The following PLCE1 variants were observed in gnomAD, a reference collection of about 807,000 sequenced individuals.
The protein encoded by PLCE1 is phospholipase C epsilon 1.
PLCE1 carries 119 observed loss-of-function variants against 242.8 expected under a neutral mutation model. The ratio of observed to expected loss-of-function variants is 0.49; its 90% CI spans 0.42 to 0.57. PLCE1 has a LOEUF of 0.57. PLCE1 is among the 20% of genes least tolerant of loss of function. The pLI, the probability that PLCE1 is intolerant of heterozygous loss-of-function variation, is 0.00. For synonymous variants in PLCE1, 945 were observed against 1,017.4 expected, an observed-to-expected ratio of 0.93 and a Z score of 1.35; for missense variants, 2,441 against 2,788.8, an observed-to-expected ratio of 0.88 and a Z score of 2.81.
In PLCE1 at chr10:94,298,454, T is replaced by A; in HGVS notation, c.5243T>A (p.Ile1748Asn). 6.2e-7 allele frequency: 1 copy of A among 1,613,996 alleles called. No individual in the cohort carries two copies. Among genetic ancestry groups the A allele is most frequent in the Non-Finnish European group, 8.5e-7 (1 of 1,179,862 alleles). Residue 1748 changes from isoleucine to asparagine, a missense_variant, in exon 24 of 33, where the codon ATC becomes AAC. Ile to Asn is a moderately radical substitution (Grantham distance 149). Around this residue, in one of 5 missense-constraint regions of PLCE1, gnomAD observed 1,004 missense variants for 1,322.7 expected, o/e 0.76. Coordinates refer to ENST00000371380, the MANE Select transcript of PLCE1 (RefSeq NM_016341.4). This position sits in a 1 kb window ranked among gnomAD's most constrained non-coding sequence, Gnocchi z 5.2. ...PLNPTTSLSA[I>N]IRTPKCYHIS... ...AACCCAACCACGTCCCTCAGTGCTA[T>A]CATTAGAACTCCCAAATGTTATCAT...
chr10:94,265,017 G>A (rs1393159640), intron 14 of PLCE1, among the ~76,000 whole-genome samples: 1 of 152,162 alleles, frequency 6.6e-6, no homozygotes, highest in East Asian at 1.9e-4. Context: ...GTGGGTGAAG[G>A]AACAGATGCA....
chr10:94,209,043 T>C (rs1028132465), intron 4 of PLCE1, among the ~76,000 whole-genome samples: 1 of 152,254 alleles, frequency 6.6e-6, no homozygotes, highest in Admixed American at 6.5e-5. Flanking sequence ...GGATTGTTTG[T>C]ACAAACATCA....
At chr10:94,187,146 ATG>A (rs372501153) in intron 4 of PLCE1, among the ~76,000 whole-genome samples, 7,059 of 145,080 alleles carry the variant, frequency 0.049, 166 homozygotes, top group Middle Eastern at 0.17. Flanking sequence ...TGAAACATAT[ATG>A]TGTGTGTGTG....
At chr10:94,185,667 A>G (rs2048455695) in intron 4 of PLCE1, among the ~76,000 whole-genome samples, 1 of 152,242 alleles carries the variant, frequency 6.6e-6, no homozygotes, top group South Asian at 2.1e-4. Flanking sequence ...AAGATAACAT[A>G]TATAAAATCA....
chr10:94,224,037 A>T (rs1269691334), intron 4 of PLCE1, among the ~76,000 whole-genome samples: 1 of 152,172 alleles, frequency 6.6e-6, no homozygotes, highest in South Asian at 2.1e-4. Flanking sequence ...TTATAAAATT[A>T]TGAATACATC....
chr10:94,315,385 T>A (rs2053531240), intron 28 of PLCE1: 1 of 455,912 alleles, frequency 2.2e-6, no homozygotes, highest in South Asian at 1.5e-5. Flanking sequence ...ACCAAGCTAC[T>A]TCTCACGGGA....
chr10:93,998,867 G>T (rs2060879295), intron 1 of PLCE1, among the ~76,000 whole-genome samples: 2 of 152,176 alleles, frequency 1.3e-5, no homozygotes, highest in African/African-American at 4.8e-5. Flanking sequence ...GATGATCCTG[G>T]ATGATCTGGG....
chr10:94,148,295 GGGTTCATGTTTGGCA>G (rs544108531), intron 3 of PLCE1, among the ~76,000 whole-genome samples: 487 of 152,316 alleles, frequency 3.2e-3, no homozygotes, highest in Non-Finnish European at 5.0e-3. Context: ...GGGGGCTGGA[GGGTTCATGTTTGGCA>G]GGAGCAGGGA....
In PLCE1 at chr10:94,246,026, A is replaced by G; in HGVS notation, c.2501A>G (p.Asp834Gly). 6.2e-7 allele frequency: 1 copy of G among 1,613,948 alleles called. No homozygotes were observed. Among genetic ancestry groups the G allele is most frequent in the African/African-American group, 1.3e-5 (1 of 75,008 alleles). ...GAATACGACTCTCATGGTTCAGAGG[A>G]CTCACAGAAGGCCTTCGACCATGGG... ...SKEYDSHGSE[D>G]SQKAFDHGTE... Residue 834 changes from aspartate (D) to glycine (G), a missense_variant, in exon 8 of 33, where the codon GAC becomes GGC. By Grantham distance (94) the Asp-to-Gly change is moderately conservative. Coordinates refer to ENST00000371380, the MANE Select transcript of PLCE1 (RefSeq NM_016341.4).
intron 7 of PLCE1, among the ~76,000 whole-genome samples, chr10:94,240,204 C>T (rs1314010130): frequency 6.6e-6 from 1 of 152,180 alleles, no homozygotes; most frequent in Admixed American, 6.5e-5. Context: ...TTTTATGATA[C>T]TAACTTAAAC....
intron 5 of PLCE1, among the ~76,000 whole-genome samples, chr10:94,233,518 A>G (rs180689320): frequency 2.5e-4 from 38 of 152,358 alleles, no homozygotes; most frequent in African/African-American, 7.9e-4. Context: ...CCCAGCTTCC[A>G]TAACTAACGC....
intron 2 of PLCE1, among the ~76,000 whole-genome samples, chr10:94,064,404 A>G (rs1389990187): frequency 6.6e-6 from 1 of 152,146 alleles, no homozygotes; most frequent in Non-Finnish European, 1.5e-5. Context: ...TTAGCTGGGC[A>G]TAGTGGTGCA....
chr10:94,136,827 GT>G (rs2046792107), intron 3 of PLCE1, among the ~76,000 whole-genome samples: 2 of 152,194 alleles, frequency 1.3e-5, no homozygotes, highest in South Asian at 4.1e-4. Context: ...TATCATAAGT[GT>G]GTGCTGTCTC....
At position 94,280,254 on chromosome 10, in the gene PLCE1, C is replaced by T. The variant is rs373582606; in HGVS notation, c.4795+343C>T. The T allele has an allele frequency of 7.1e-5, 25 of 353,718 alleles. No individual in the cohort carries two copies. The Middle Eastern group carries it at 2.8e-3, about 40-fold the overall frequency. 21.9% of individuals were successfully genotyped at this position (353,718 alleles called of 1,614,324 possible). ...TGGCAGGAGTCGTAGACTGAGGTTG[C>T]GTCCTTTCTCCTGCACCACCGGCAG... On this transcript the variant is annotated intron_variant, in intron 20 of 32. Coordinates refer to ENST00000371380, the MANE Select transcript of PLCE1 (RefSeq NM_016341.4).
In PLCE1 at chr10:94,183,264, C is replaced by A. The variant is rs568763211; in HGVS notation, c.1809+11768C>A. Among the ~76,000 whole-genome samples, 17 of 152,302 alleles carry A rather than the reference C, an allele frequency of 1.1e-4. 1 individual carries two copies. In the South Asian group the frequency reaches 3.5e-3, roughly 32 times the overall value. On this transcript the variant is annotated intron_variant, in intron 4 of 32. Coordinates refer to ENST00000371380, the MANE Select transcript of PLCE1 (RefSeq NM_016341.4). ...ATTTAAACATTCATAAATCCAACTGCCTTCTCAATGCCTCACCTTGGCTTT... is the reference window on the plus strand; with the variant it reads ...ATTTAAACATTCATAAATCCAACTGACTTCTCAATGCCTCACCTTGGCTTT...
In PLCE1 at chr10:94,034,197, A is replaced by G. The variant is rs1470951939; in HGVS notation, c.1206+1945A>G. ...TAGGGGAAACCGCCCCCATGATTCA[A>G]TTATCTCCACCTGGCCCTGCCCTTG... On this transcript the variant is annotated intron_variant, in intron 2 of 32. Coordinates refer to ENST00000371380, the MANE Select transcript of PLCE1 (RefSeq NM_016341.4). 2.0e-5 allele frequency among the ~76,000 whole-genome samples: 3 copies of G among 152,164 alleles called. No homozygotes were observed. The East Asian group carries it at 5.8e-4, about 29-fold the overall frequency.
rs547776324 is a variant in PLCE1, at chr10:94,331,709, C to T, written c.*3766C>T. On this transcript the variant is annotated 3_prime_UTR_variant, in exon 33 of 33. Transcript: ENST00000371380. ...CAGAGTCTAGACTTGGGTCAATATT[C>T]CCCATGATCCATTGTTAATAATTTA... The T allele has an allele frequency of 2.0e-5, 3 of 152,202 alleles. No individual in the cohort carries two copies. The South Asian group carries it at 6.3e-4, about 32-fold the overall frequency. 9.4% of individuals were successfully genotyped at this position (152,202 alleles called of 1,614,324 possible).
At chr10:94,209,559 C>T (rs996735927) in intron 4 of PLCE1, among the ~76,000 whole-genome samples, 1 of 152,014 alleles carries the variant, frequency 6.6e-6, no homozygotes, top group Non-Finnish European at 1.5e-5. Context: ...TGACCTCTTC[C>T]AGAAAAGATA....
chr10:94,117,727 A>G (rs985890878), intron 2 of PLCE1, among the ~76,000 whole-genome samples: 1 of 152,184 alleles, frequency 6.6e-6, no homozygotes, highest in Non-Finnish European at 1.5e-5. Context: ...TGCTGTTGAC[A>G]CTGCCTTTAA....
Sources: allele counts gnomAD v4.1 joint callset (sites outside exome capture counted in the v4.1 genomes callset), GRCh38; gene constraint gnomAD v4.1.1; regional missense constraint gnomAD v4.1.1; non-coding constraint Gnocchi (gnomAD v3.1); transcripts MANE v1.5; gene names NCBI Gene and HGNC (gene_info 2026-07-23, HGNC 2026-07-21).